KLHL6: variants seen among roughly 807,000 people sequenced by gnomAD.
KLHL6 encodes kelch like family member 6, also known as kelch-like protein 6.
In KLHL6, 41 loss-of-function variants were observed where a neutral mutation model predicts 58.6. The observed-to-expected ratio is 0.70, with a 90% CI of 0.55 to 0.91. KLHL6 has a LOEUF of 0.91. Among genes scored for constraint, KLHL6 ranks in the 40% least tolerant of loss-of-function variants. The probability of loss-of-function intolerance (pLI) is 0.00; values close to 1 mark genes in which losing one functional copy is unlikely to be tolerated. For missense variants in KLHL6, 714 were observed against 805.6 expected, an observed-to-expected ratio of 0.89 and a Z score of 1.38; for synonymous variants, 338 against 322.7, an observed-to-expected ratio of 1.05 and a Z score of -0.51.
At position 183,490,642 on chromosome 3, in the gene KLHL6, TAA is replaced by T. The variant is rs1717519450; in HGVS notation, c.*1283_*1284del. 1 of 152,046 alleles carries T rather than the reference TAA, an allele frequency of 6.6e-6. No individual in the cohort carries two copies. Among genetic ancestry groups the T allele is most frequent in the South Asian group, 2.1e-4 (1 of 4,812 alleles). 9.4% of individuals were successfully genotyped at this position (152,046 alleles called of 1,614,324 possible). A position where few individuals can be genotyped will look rare whatever the true frequency, so the allele number is the denominator to read the frequency against. On this transcript the variant is annotated 3_prime_UTR_variant, in exon 7 of 7. Transcript: ENST00000341319. ...CAAGATGGTGAAACCCCGTCTCTAC[TAA>T]AACTACAAAAATTAGCCAGGCGCGG...
chr3:183,523,361 C>T (rs1269976833), intron 2 of KLHL6, among the ~76,000 whole-genome samples: 2 of 152,238 alleles, frequency 1.3e-5, no homozygotes, highest in African/African-American at 4.8e-5. Context: ...ATAAGCAACA[C>T]TGGACCTTCA....
At chr3:183,516,632 C>T (rs983438639) in intron 2 of KLHL6, among the ~76,000 whole-genome samples, 34 of 152,244 alleles carry the variant, frequency 2.2e-4, no homozygotes, top group African/African-American at 6.3e-4. Flanking sequence ...TTCCCCATGA[C>T]GTTCTCCAAA....
intron 1 of KLHL6, among the ~76,000 whole-genome samples, chr3:183,552,953 C>T (rs1712984182): frequency 6.6e-6 from 1 of 152,046 alleles, no homozygotes; most frequent in Non-Finnish European, 1.5e-5. Context: ...CCTGCCTTGT[C>T]AGGTTGTTGT....
intron 2 of KLHL6, among the ~76,000 whole-genome samples, chr3:183,516,945 T>C (rs1186561416): frequency 6.6e-6 from 1 of 152,270 alleles, no homozygotes; most frequent in Non-Finnish European, 1.5e-5. Context: ...AGTCTCATGC[T>C]GTCACCCAGG....
chr3:183,535,799 C>T (rs566774749), intron 1 of KLHL6, among the ~76,000 whole-genome samples: 6 of 152,098 alleles, frequency 3.9e-5, no homozygotes, highest in South Asian at 2.1e-4. Flanking sequence ...CTTTTTGAGA[C>T]GAGTCTCGCT....
chr3:183,553,747 A>T (rs778652959), intron 1 of KLHL6, among the ~76,000 whole-genome samples: 6 of 152,196 alleles, frequency 3.9e-5, no homozygotes, highest in Non-Finnish European at 8.8e-5. Flanking sequence ...CAATGACCAG[A>T]TATATAATGC....
In KLHL6 at chr3:183,555,310, C is replaced by T. The variant is rs1182761386; in HGVS notation, c.293+51G>A. On this transcript the variant is annotated intron_variant, in intron 1 of 6. Transcript: ENST00000341319. ...AGATTGGGCTCTCACACTAACACAC[C>T]TCTTCCTTGCAACTTGCACCCAATT... 3.9e-6 allele frequency: 6 copies of T among 1,539,752 alleles called. No individual in the cohort carries two copies. In the South Asian group the frequency reaches 7.0e-5, roughly 18 times the overall value.
At chr3:183,505,702 G>C (rs1717982270) in intron 3 of KLHL6, among the ~76,000 whole-genome samples, 1 of 149,214 alleles carries the variant, frequency 6.7e-6, no homozygotes, top group Admixed American at 6.7e-5. Flanking sequence ...AATGAGAGAT[G>C]TGACAACACT....
chr3:183,540,674 G>A (rs557839108), intron 1 of KLHL6, among the ~76,000 whole-genome samples: 1 of 151,840 alleles, frequency 6.6e-6, no homozygotes, highest in Non-Finnish European at 1.5e-5. Context: ...AAGTAGCTGA[G>A]ACTGCAGGCA....
chr3:183,509,662 A>C (rs1718122388), intron 2 of KLHL6, among the ~76,000 whole-genome samples: 1 of 152,160 alleles, frequency 6.6e-6, no homozygotes, highest in African/African-American at 2.4e-5. Context: ...GTCCCATGAC[A>C]GAAGGGGAAA....
intron 2 of KLHL6, among the ~76,000 whole-genome samples, chr3:183,511,018 GA>G (rs1173369850): frequency 6.6e-6 from 1 of 152,200 alleles, no homozygotes; most frequent in Non-Finnish European, 1.5e-5. Flanking sequence ...AAAGTACAGA[GA>G]AAGAACAGTG....
chr3:183,493,934 G>A, intron 5 of KLHL6, 145 bp downstream of exon 5: 1 of 724,260 alleles, frequency 1.4e-6, no homozygotes. Context: ...CCTAGGAGGA[G>A]GGAAGCTCAG....
intron 1 of KLHL6, among the ~76,000 whole-genome samples, chr3:183,540,845 C>G (rs1223801406): frequency 1.3e-5 from 2 of 152,234 alleles, no homozygotes; most frequent in Admixed American, 1.3e-4. Context: ...CCTAACAAAA[C>G]CCCACTTCCC....
chr3:183,536,594 T>C (rs1277169738), intron 1 of KLHL6, among the ~76,000 whole-genome samples: 1 of 152,196 alleles, frequency 6.6e-6, no homozygotes, highest in African/African-American at 2.4e-5. Context: ...TAAAATGGTA[T>C]AATAGTCCCC....
intron 2 of KLHL6, among the ~76,000 whole-genome samples, chr3:183,523,852 C>T (rs574008181): frequency 5.4e-4 from 82 of 152,202 alleles, no homozygotes; most frequent in South Asian, 4.2e-3. Context: ...CTCCCCCTTC[C>T]GGGTTCAAGA....
chr3:183,538,723 T>C (rs1411853511), intron 1 of KLHL6, among the ~76,000 whole-genome samples: 1 of 152,122 alleles, frequency 6.6e-6, no homozygotes, highest in East Asian at 1.9e-4. Context: ...ACATGGCATC[T>C]CTCTCTATGG....
chr3:183,552,717 C>CAAAAAAAAAAAAAA (rs1169148282), intron 1 of KLHL6, among the ~76,000 whole-genome samples: 1 of 47,608 alleles, frequency 2.1e-5, no homozygotes. Context: ...GACTCCGTCT[C>CAAAAAAAAAAAAAA]AAAAAAAAAA....
chr3:183,547,437 A>G (rs1029154593), intron 1 of KLHL6, among the ~76,000 whole-genome samples: 3 of 152,212 alleles, frequency 2.0e-5, no homozygotes, highest in Middle Eastern at 3.4e-3. Flanking sequence ...TTATTTGTCT[A>G]CCTTTTCTCA....
At chr3:183,502,388 C>T (rs1717891444) in intron 3 of KLHL6, among the ~76,000 whole-genome samples, 1 of 152,016 alleles carries the variant, frequency 6.6e-6, no homozygotes, top group South Asian at 2.1e-4. Context: ...AGTGAGCATC[C>T]ACGATGGCCC....
Sources: gnomAD v4.1 joint callset for allele counts (sites outside exome capture counted in the v4.1 genomes callset) on GRCh38, gnomAD v4.1.1 for gene constraint, MANE v1.5 for transcripts, NCBI Gene and HGNC (gene_info 2026-07-23, HGNC 2026-07-21) for gene names.